The following WDR82 variants were observed in gnomAD, a reference collection of about 807,000 sequenced individuals.
WDR82 encodes WD repeat-containing protein 82.
In WDR82, 8 loss-of-function variants were observed where a neutral mutation model predicts 36.1. That is an observed-to-expected ratio of 0.22 (90% CI 0.13 to 0.40). The LOEUF is 0.40. Among genes scored for constraint, WDR82 ranks in the 10% least tolerant of loss-of-function variants. The pLI is 1.00. For missense variants in WDR82, 185 were observed against 400.5 expected (o/e 0.46, Z 4.59); for synonymous variants, 129 against 137.8 (o/e 0.94, Z 0.45).
At chr3:52,262,084 T>C (rs1700066984) in intron 3 of WDR82, among the ~76,000 whole-genome samples, 2 of 152,166 alleles carry the variant, frequency 1.3e-5, no homozygotes, top group African/African-American at 4.8e-5. Flanking sequence ...TAAAAAGTAA[T>C]AAAGTACTGC....
intron 3 of WDR82, among the ~76,000 whole-genome samples, chr3:52,265,849 T>G (rs1244085280): frequency 6.6e-6 from 1 of 152,146 alleles, no homozygotes; most frequent in Non-Finnish European, 1.5e-5. Flanking sequence ...GAGCTGGGAT[T>G]ACAGGCATTA....
Position 52,261,000 on chromosome 3 carries a change from C to T in WDR82, c.426+380G>A, listed in dbSNP as rs192694801. Among the ~76,000 whole-genome samples the T allele has an allele frequency of 6.3e-3, 959 of 152,310 alleles. 5 individuals are homozygous for T. Among genetic ancestry groups the T allele is most frequent in the Non-Finnish European group, 0.011 (745 of 68,022 alleles). On this transcript the variant is annotated intron_variant, in intron 4 of 8. Coordinates refer to ENST00000296490, the MANE Select transcript of WDR82 (RefSeq NM_025222.4). The stretch of plus-strand genomic sequence containing the variant: ...ATTAGCCAGACATGGTGGTGCATGA[C>T]TGTAATCCCAGCTACTTGGGAGGCT...
chr3:52,273,869 G>A (rs572656233), intron 1 of WDR82, among the ~76,000 whole-genome samples: 6 of 152,196 alleles, frequency 3.9e-5, no homozygotes, highest in South Asian at 4.1e-4. Flanking sequence ...CGATCCACCC[G>A]CCTCGGCCTC....
At chr3:52,272,072 AGAGT>A (rs1306777194) in intron 1 of WDR82, among the ~76,000 whole-genome samples, 1 of 152,220 alleles carries the variant, frequency 6.6e-6, no homozygotes. Context: ...CCTCTGCGAC[AGAGT>A]GAGACTCCAC....
intron 1 of WDR82, among the ~76,000 whole-genome samples, chr3:52,274,809 C>T (rs760353902): frequency 1.2e-4 from 18 of 150,006 alleles, no homozygotes; most frequent in Non-Finnish European, 2.5e-4. Flanking sequence ...GGCTGAGGCA[C>T]GAGAATCGCT....
intron 2 of WDR82, among the ~76,000 whole-genome samples, chr3:52,270,400 G>T (rs141651190): frequency 1.3e-5 from 2 of 152,176 alleles, no homozygotes; most frequent in Non-Finnish European, 2.9e-5. Flanking sequence ...TTATAGGCGC[G>T]AGCCCCTACG....
In WDR82 at chr3:52,260,517, T is replaced by C. The variant is rs1700051884; in HGVS notation, c.427-16A>G. Reference sequence around the variant, plus strand: ...GCATGAGGCCCTAAGAGAAAAGAAATAAGAAATACACTAAAACACACATGC... The same window carrying C: ...GCATGAGGCCCTAAGAGAAAAGAAACAAGAAATACACTAAAACACACATGC... On this transcript the variant is annotated splice_polypyrimidine_tract_variant and intron_variant, in intron 4 of 8. Transcript: ENST00000296490. 2.6e-6 allele frequency: 4 copies of C among 1,529,582 alleles called. No individual in the cohort carries two copies. The highest frequency in any genetic ancestry group is 4.5e-5 in the Admixed American group (2 of 44,062). 94.8% of individuals were successfully genotyped at this position (1,529,582 alleles called of 1,614,324 possible).
chr3:52,270,899 G>T, intron 1 of WDR82, 90 bp from the exon 2 acceptor site: 1 of 960,144 alleles, frequency 1.0e-6, no homozygotes. Flanking sequence ...TGAATGATGT[G>T]GCAAAGGTGA....
At chr3:52,274,568 CAACA>C (rs1282251572) in intron 1 of WDR82, among the ~76,000 whole-genome samples, 4 of 151,564 alleles carry the variant, frequency 2.6e-5, no homozygotes, top group Admixed American at 1.3e-4. Flanking sequence ...TTTGTCTTAA[CAACA>C]AACAAACAAA....
At chr3:52,266,241 G>A (rs1053469197) in intron 3 of WDR82, among the ~76,000 whole-genome samples, 6 of 152,204 alleles carry the variant, frequency 3.9e-5, no homozygotes, top group Admixed American at 2.0e-4. Context: ...TATATTGGAA[G>A]GCCTCATAAA....
chr3:52,257,628 G>A (rs1160611769), intron 8 of WDR82, 109 bp from the exon 9 acceptor site: 18 of 1,360,540 alleles, frequency 1.3e-5, no homozygotes, highest in African/African-American at 2.9e-5. Context: ...AGTGGCTCTG[G>A]TAGCCCTCTC....
intron 3 of WDR82, among the ~76,000 whole-genome samples, chr3:52,265,299 CAAAAAAAAAAAAAAAAAAAAAAAAA>C (rs869189597): frequency 4.6e-5 from 2 of 43,782 alleles, no homozygotes. Context: ...GACTCTGTCT[CAAAAAAAAAAAAAAAAAAAAAAAAA>C]AAAAAAAAAA....
chr3:52,265,299 C>CAAAAAAAAAAAAA lies in WDR82; in HGVS notation c.326+1640_326+1652dup, dbSNP rs869189597. ...TGGGCGACAGAGCGAGACTCTGTCT[C>CAAAAAAAAAAAAA]AAAAAAAAAAAAAAAAAAAAAAAAA... On this transcript the variant is annotated intron_variant, in intron 3 of 8. Coordinates refer to ENST00000296490, the MANE Select transcript of WDR82 (RefSeq NM_025222.4). 6.8e-5 allele frequency among the ~76,000 whole-genome samples: 3 copies of CAAAAAAAAAAAAA among 43,810 alleles called. 1 individual carries two copies. The highest frequency in any genetic ancestry group is 2.8e-4 in the African/African-American group (3 of 10,814). 28.7% of individuals were successfully genotyped at this position (43,810 alleles called of 152,430 possible). A position where few individuals can be genotyped will look rare whatever the true frequency, so the allele number is the denominator to read the frequency against.
chr3:52,256,037 G>A lies in WDR82; in HGVS notation c.*1453C>T, dbSNP rs1700003869. On this transcript the variant is annotated 3_prime_UTR_variant, in exon 9 of 9. Transcript: ENST00000296490. ...CAAACCAGACATGGAAGCCATGCAAGAGTGACTATCACACACACACACAGG... is the reference window on the plus strand; with the variant it reads ...CAAACCAGACATGGAAGCCATGCAAAAGTGACTATCACACACACACACAGG... The A allele has an allele frequency of 6.5e-6, 1 of 153,644 alleles. No homozygotes were observed. The highest frequency in any genetic ancestry group is 2.4e-5 in the African/African-American group (1 of 41,432). The allele number at this position is 153,644 out of a possible 1,614,324, so 9.5% of individuals were successfully genotyped here.
At chr3:52,277,379 T>A (rs1700214601) in intron 1 of WDR82, among the ~76,000 whole-genome samples, 1 of 151,708 alleles carries the variant, frequency 6.6e-6, no homozygotes, top group South Asian at 2.1e-4. Context: ...AGTTTCATGA[T>A]CAGAATTGGA....
chr3:52,268,937 T>C (rs567521883), intron 2 of WDR82, among the ~76,000 whole-genome samples: 1 of 152,054 alleles, frequency 6.6e-6, no homozygotes, highest in African/African-American at 2.4e-5. Flanking sequence ...ACCTCAGCCT[T>C]ACAAGTGGCT....
intron 3 of WDR82, among the ~76,000 whole-genome samples, chr3:52,265,731 AC>A (rs1700101089): frequency 6.6e-6 from 1 of 151,140 alleles, no homozygotes; most frequent in East Asian, 1.9e-4. Context: ...GCACACCACC[AC>A]TCCTGGCTAA....
chr3:52,273,690 G>A (rs769710733), intron 1 of WDR82, among the ~76,000 whole-genome samples: 32 of 152,026 alleles, frequency 2.1e-4, no homozygotes, highest in Non-Finnish European at 3.1e-4. Context: ...GCACGATCTC[G>A]GCTCACTGCA....
rs1302288441 is a variant in WDR82, at chr3:52,278,603, G to A, written c.-242C>T. The A allele has an allele frequency of 2.0e-5, 8 of 402,554 alleles. No homozygotes were observed. The highest frequency in any genetic ancestry group is 1.3e-4 in the South Asian group (1 of 7,954). 24.9% of individuals were successfully genotyped at this position (402,554 alleles called of 1,614,324 possible). On this transcript the variant is annotated 5_prime_UTR_variant, in exon 1 of 9. It introduces an in-frame stop codon into an upstream open reading frame of the 5' UTR. Transcript: ENST00000296490. ...CCACCTCACGGACAACCGGCGCGTC[G>A]CCGGCTCATTGTGTCCGCCATTTTG...
Sources: gnomAD v4.1 joint callset for allele counts (sites outside exome capture counted in the v4.1 genomes callset) on GRCh38, gnomAD v4.1.1 for gene constraint, MANE v1.5 for transcripts, NCBI Gene and HGNC (gene_info 2026-07-23, HGNC 2026-07-21) for gene names.